Variants in PTPRG observed in about 807,000 individuals in gnomAD.
PTPRG encodes receptor-type tyrosine-protein phosphatase gamma.
A neutral mutation model predicts 165.3 loss-of-function variants in PTPRG; 102 were observed. The ratio of observed to expected loss-of-function variants is 0.62; its 90% CI spans 0.53 to 0.73. PTPRG has a LOEUF of 0.73. Ranked by LOEUF, PTPRG falls within the 30% of genes least tolerant of loss-of-function variation. PTPRG has a pLI of 0.00. For missense variants in PTPRG, 1,866 were observed against 1,861.4 expected (o/e 1.00, Z -0.05); for synonymous variants, 675 against 669.5 (o/e 1.01, Z -0.13).
chr3:61,708,649 G>C (rs1198886620), intron 1 of PTPRG, among the ~76,000 whole-genome samples: 1 of 151,586 alleles, frequency 6.6e-6, no homozygotes, highest in Non-Finnish European at 1.5e-5. Context: ...AGTAGAGATG[G>C]GGTTTCACTG....
At chr3:62,037,528 C>T (rs1575921511) in intron 4 of PTPRG, among the ~76,000 whole-genome samples, 1 of 152,138 alleles carries the variant, frequency 6.6e-6, no homozygotes, top group African/African-American at 2.4e-5. Flanking sequence ...GGGGCAAAAT[C>T]GTCTCCATTT....
Position 61,704,689 on chromosome 3 carries a change from A to G in PTPRG, c.86-44189A>G, listed in dbSNP as rs367806467. ...TGCCTTAAAGAAAAACTCCTCTGAG[A>G]AAGCCATAATTCCCTGCCTAGTGCC... On this transcript the variant is annotated intron_variant, in intron 1 of 29. Transcript: ENST00000474889. Among the ~76,000 whole-genome samples, 9 of 152,160 alleles carry G rather than the reference A, an allele frequency of 5.9e-5. No homozygotes were observed. The East Asian group carries it at 7.7e-4, about 13-fold the overall frequency.
chr3:61,885,640 GACTC>G (rs965937334), intron 2 of PTPRG, among the ~76,000 whole-genome samples: 2 of 108,558 alleles, frequency 1.8e-5, no homozygotes, highest in African/African-American at 7.3e-5. Flanking sequence ...AGCATTTATA[GACTC>G]ACTCTTTTCC....
chr3:61,759,845 G>C (rs2033774698), intron 2 of PTPRG, among the ~76,000 whole-genome samples: 1 of 151,344 alleles, frequency 6.6e-6, no homozygotes, highest in Non-Finnish European at 1.5e-5. Context: ...GTACTAATAG[G>C]TCTTTAACAT....
At chr3:61,859,335 A>G (rs1353876913) in intron 2 of PTPRG, among the ~76,000 whole-genome samples, 1 of 152,172 alleles carries the variant, frequency 6.6e-6, no homozygotes, top group Non-Finnish European at 1.5e-5. Flanking sequence ...TATCCCAAGG[A>G]GGATTATTAA....
At chr3:61,677,684 T>C (rs1703279434) in intron 1 of PTPRG, among the ~76,000 whole-genome samples, 1 of 152,224 alleles carries the variant, frequency 6.6e-6, no homozygotes, top group African/African-American at 2.4e-5. Context: ...ATTTTCTATT[T>C]TCTGTTCTTA....
intron 2 of PTPRG, among the ~76,000 whole-genome samples, chr3:61,854,886 A>G (rs922835988): frequency 5.9e-5 from 9 of 152,224 alleles, no homozygotes; most frequent in African/African-American, 7.2e-5. Context: ...GCATATTACA[A>G]TTTTGAATTT....
At chr3:62,278,488 T>C (rs188114086) in intron 26 of PTPRG, among the ~76,000 whole-genome samples, 1 of 152,182 alleles carries the variant, frequency 6.6e-6, no homozygotes, top group African/African-American at 2.4e-5. Context: ...TACTTAAGTT[T>C]CGGAATTAGC....
chr3:62,272,888 C>T, intron 21 of PTPRG, 58 bp from the exon 22 acceptor site: 1 of 1,442,522 alleles, frequency 6.9e-7, no homozygotes, highest in East Asian at 2.6e-5. Context: ...TTTTTCGAAT[C>T]CAAAGTTAAC....
Position 61,693,771 on chromosome 3 carries a change from T to C in PTPRG, c.86-55107T>C, listed in dbSNP as rs113869615. 1.8e-3 allele frequency among the ~76,000 whole-genome samples: 278 copies of C among 152,166 alleles called. 2 individuals are homozygous for C. The highest frequency in any genetic ancestry group is 6.5e-3 in the African/African-American group (268 of 41,516). ...CTATAATTGCAGCATGTTTGGAGGC[T>C]GAGGTGGGCAGATTGCCTGAGCTCA... On this transcript the variant is annotated intron_variant, in intron 1 of 29. Transcript: ENST00000474889.
At chr3:62,006,369 T>G (rs2041299174) in intron 4 of PTPRG, among the ~76,000 whole-genome samples, 1 of 152,210 alleles carries the variant, frequency 6.6e-6, no homozygotes, top group Admixed American at 6.5e-5. Context: ...CTGTGATATT[T>G]TATGTTAAGT....
intron 28 of PTPRG, among the ~76,000 whole-genome samples, chr3:62,290,058 C>T (rs1702824522): frequency 6.6e-6 from 1 of 152,054 alleles, no homozygotes. Context: ...AATCAGTAAC[C>T]TTCCCATGCA....
At chr3:61,826,458 A>G (rs1206264158) in intron 2 of PTPRG, among the ~76,000 whole-genome samples, 1 of 151,974 alleles carries the variant, frequency 6.6e-6, no homozygotes, top group Non-Finnish European at 1.5e-5. Flanking sequence ...TCCCAACCCC[A>G]CAAAAATGAT....
chr3:62,277,638 A>G lies in PTPRG; in HGVS notation c.3724A>G (p.Asn1242Asp), dbSNP rs1339427844. ...KDFWRMIWDH[N>D]AQIIVMLPDN... ...TTTCTGGCGAATGATTTGGGATCAT[A>G]ACGCACAGATCATTGTCATGCTGCC... Residue 1242 changes from asparagine (N) to aspartate (D), a missense_variant, in exon 26 of 30, where the codon AAC becomes GAC. Around this residue, in one of 3 missense-constraint regions of PTPRG, gnomAD observed 1,452 missense variants for 1,463.0 expected, o/e 0.99. Transcript: ENST00000474889. 2.5e-6 allele frequency: 4 copies of G among 1,612,950 alleles called. No individual in the cohort carries two copies. In the Admixed American group the frequency reaches 5.0e-5, roughly 20 times the overall value.
rs2106754529 is a variant in PTPRG, at chr3:62,174,520, C to G, written c.1033+6357C>G. Among the ~76,000 whole-genome samples, 3 of 152,212 alleles carry G rather than the reference C, an allele frequency of 2.0e-5. No homozygotes were observed. In the South Asian group the frequency reaches 6.2e-4, roughly 32 times the overall value. Reference sequence around the variant, plus strand: ...TTGCTTCCTGTTTTGGTTAAAAGCACTTTTAAAGGACATGTACCACCGTGC... The same window carrying G: ...TTGCTTCCTGTTTTGGTTAAAAGCAGTTTTAAAGGACATGTACCACCGTGC... On this transcript the variant is annotated intron_variant, in intron 8 of 29. Transcript: ENST00000474889.
intron 2 of PTPRG, among the ~76,000 whole-genome samples, chr3:61,895,074 A>G (rs1199931070): frequency 6.6e-6 from 1 of 152,184 alleles, no homozygotes; most frequent in Non-Finnish European, 1.5e-5. Flanking sequence ...CCCTAGGGGC[A>G]GAATGGATCC....
intron 1 of PTPRG, among the ~76,000 whole-genome samples, chr3:61,725,855 A>G (rs2032235184): frequency 6.6e-6 from 1 of 151,692 alleles, no homozygotes; most frequent in Admixed American, 6.6e-5. Context: ...CATCTGTTTT[A>G]TTCCTTTCTG....
At position 61,866,422 on chromosome 3, in the gene PTPRG, G is replaced by C. The variant is rs115041631; in HGVS notation, c.190+117440G>C. 7.6e-3 allele frequency among the ~76,000 whole-genome samples: 1,161 copies of C among 152,072 alleles called. 15 individuals carry two copies. Among genetic ancestry groups the C allele is most frequent in the African/African-American group, 0.026 (1,093 of 41,498 alleles). ...ACTTCTGACCCCACTGTGCAGGCTG[G>C]AGTAGGGTTGAGGCTGTGGCTGAGA... On this transcript the variant is annotated intron_variant, in intron 2 of 29. Transcript: ENST00000474889.
intron 2 of PTPRG, among the ~76,000 whole-genome samples, chr3:61,772,826 A>T (rs998877383): frequency 1.3e-5 from 2 of 152,174 alleles, no homozygotes; most frequent in Non-Finnish European, 2.9e-5. Flanking sequence ...TGTAGGAGAG[A>T]TGGTCAAAAA....
Sources: gnomAD v4.1 joint callset for allele counts (sites outside exome capture counted in the v4.1 genomes callset) on GRCh38, gnomAD v4.1.1 for gene constraint, gnomAD v4.1.1 regional missense constraint, MANE v1.5 for transcripts, NCBI Gene and HGNC (gene_info 2026-07-23, HGNC 2026-07-21) for gene names.